ANO2: variants seen among roughly 807,000 people sequenced by gnomAD.
ANO2 encodes anoctamin 2, also known as anoctamin-2.
Under a neutral mutation model 124.2 loss-of-function variants are expected in ANO2, and 101 were observed. The observed-to-expected ratio is 0.81, with a 90% CI of 0.69 to 0.96. ANO2 has a LOEUF of 0.96. Ranked by LOEUF, ANO2 falls within the 40% of genes least tolerant of loss-of-function variation. The pLI is 0.00. For synonymous variants in ANO2, 486 were observed against 482.5 expected, an observed-to-expected ratio of 1.01 and a Z score of -0.09; for missense variants, 1,293 against 1,274.5, an observed-to-expected ratio of 1.01 and a Z score of -0.22.
intron 10 of ANO2, among the ~76,000 whole-genome samples, chr12:5,766,996 C>T (rs1348245656): frequency 6.6e-6 from 1 of 152,230 alleles, no homozygotes; most frequent in Non-Finnish European, 1.5e-5. Flanking sequence ...GCACAATTCT[C>T]AGGAGATCAG....
rs75029303 is a variant in ANO2 at position 5,866,766 on chromosome 12, G to T, written c.535-12625C>A. The stretch of plus-strand genomic sequence containing the variant: ...CTGTACTGCCCACTACAATGCTGCT[G>T]CCAGTGCATTTTGCAACAGTGACCT... On this transcript the variant is annotated intron_variant, in intron 3 of 24. Coordinates refer to ENST00000682330, the MANE Select transcript of ANO2 (RefSeq NM_001364791.2). Among the ~76,000 whole-genome samples, 618 of 152,358 alleles carry T rather than the reference G, an allele frequency of 4.1e-3. 3 individuals are homozygous for T. Among genetic ancestry groups the T allele is most frequent in the African/African-American group, 0.014 (592 of 41,574 alleles).
chr12:5,860,677 A>G (rs1591708593), intron 3 of ANO2, among the ~76,000 whole-genome samples: 1 of 152,224 alleles, frequency 6.6e-6, no homozygotes. Flanking sequence ...ATTGACAGCT[A>G]AAGTTACTAA....
At chr12:5,781,713 A>G (rs1208280405) in intron 10 of ANO2, among the ~76,000 whole-genome samples, 2 of 136,656 alleles carry the variant, frequency 1.5e-5, no homozygotes, top group African/African-American at 6.0e-5. Flanking sequence ...AACAGATGAA[A>G]GAGGTATACG....
At chr12:5,691,942 G>A (rs1256900433) in intron 14 of ANO2, among the ~76,000 whole-genome samples, 3 of 152,080 alleles carry the variant, frequency 2.0e-5, no homozygotes, top group African/African-American at 7.2e-5. Flanking sequence ...TGGTGAATAA[G>A]GTGAAGCATG....
chr12:5,758,169 C>T (rs754618132), intron 10 of ANO2, among the ~76,000 whole-genome samples: 8 of 152,100 alleles, frequency 5.3e-5, no homozygotes, highest in Non-Finnish European at 1.0e-4. Flanking sequence ...CACATACAGC[C>T]GATGGTACTT....
At chr12:5,674,262 A>G (rs1253791432) in intron 14 of ANO2, among the ~76,000 whole-genome samples, 1 of 152,178 alleles carries the variant, frequency 6.6e-6, no homozygotes, top group African/African-American at 2.4e-5. Context: ...GAGTAAAATA[A>G]AATTGTCATG....
intron 22 of ANO2, among the ~76,000 whole-genome samples, chr12:5,577,694 G>A (rs1942491224): frequency 6.6e-6 from 1 of 152,206 alleles, no homozygotes; most frequent in Non-Finnish European, 1.5e-5. Flanking sequence ...ATCTGATTTT[G>A]ACCGTCAGGG....
intron 23 of ANO2, among the ~76,000 whole-genome samples, chr12:5,566,349 T>C (rs1192310062): frequency 2.6e-5 from 4 of 152,206 alleles, no homozygotes; most frequent in African/African-American, 9.6e-5. Context: ...CGTGATTTCA[T>C]GCCTCTTTCT....
intron 3 of ANO2, among the ~76,000 whole-genome samples, chr12:5,906,814 TAAATAAAAATAAAATAAATAG>T (rs1191339866): frequency 1.3e-5 from 2 of 150,976 alleles, no homozygotes; most frequent in Non-Finnish European, 3.0e-5. Flanking sequence ...AATAAATAAA[TAAATAAAAATAAAATAAATAG>T]AAATAAAAAT....
chr12:5,651,472 G>A (rs907658985), intron 14 of ANO2, among the ~76,000 whole-genome samples: 1 of 151,764 alleles, frequency 6.6e-6, no homozygotes, highest in Non-Finnish European at 1.5e-5. Flanking sequence ...CCAGGCTGGA[G>A]TGCAATTGCA....
At position 5,567,052 on chromosome 12, in the gene ANO2, A is replaced by G. The variant is rs116679962; in HGVS notation, c.2622-1389T>C. On this transcript the variant is annotated intron_variant, in intron 23 of 24. Transcript: ENST00000682330. Reference sequence around the variant, plus strand: ...AAAAAGAGACGCACACACAAAGATAAAAAAGAGCGCAGTGATAGAATCAGC... The same window carrying G: ...AAAAAGAGACGCACACACAAAGATAGAAAAGAGCGCAGTGATAGAATCAGC... Among the ~76,000 whole-genome samples the G allele has an allele frequency of 3.0e-3, 462 of 152,328 alleles. 2 individuals are homozygous for G. The highest frequency in any genetic ancestry group is 0.011 in the African/African-American group (446 of 41,568).
intron 14 of ANO2, among the ~76,000 whole-genome samples, chr12:5,651,418 T>A (rs930328044): frequency 3.3e-4 from 41 of 124,784 alleles, no homozygotes; most frequent in African/African-American, 1.0e-3. Context: ...TTTCTTTTTT[T>A]TTTCTCTTTT....
chr12:5,667,049 T>C (rs1352724939), intron 14 of ANO2, among the ~76,000 whole-genome samples: 2 of 152,156 alleles, frequency 1.3e-5, no homozygotes, highest in East Asian at 1.9e-4. Flanking sequence ...CACATGCCGA[T>C]GCTGAGAAAG....
intron 3 of ANO2, among the ~76,000 whole-genome samples, chr12:5,878,530 C>T (rs991627032): frequency 6.6e-6 from 1 of 152,170 alleles, no homozygotes; most frequent in Non-Finnish European, 1.5e-5. Context: ...AGATGCATGC[C>T]CCTGACATTG....
At chr12:5,811,535 A>G (rs1366226404) in intron 7 of ANO2, among the ~76,000 whole-genome samples, 4 of 152,110 alleles carry the variant, frequency 2.6e-5, no homozygotes, top group Non-Finnish European at 5.9e-5. Context: ...AGACTCTGAC[A>G]CCAAAATGTC....
chr12:5,575,736 A>C, intron 23 of ANO2, 98 bp downstream of exon 23: 2 of 1,370,632 alleles, frequency 1.5e-6, no homozygotes, highest in Admixed American at 2.4e-5. Flanking sequence ...CCAAAACATC[A>C]TCATGTTGTG....
chr12:5,855,241 G>C (rs965210982), intron 3 of ANO2, among the ~76,000 whole-genome samples: 3 of 152,210 alleles, frequency 2.0e-5, no homozygotes, highest in Non-Finnish European at 4.4e-5. Flanking sequence ...GGCTCTGACT[G>C]TCTGCATTTT....
At chr12:5,842,463 GC>G (rs1954543052) in intron 4 of ANO2, among the ~76,000 whole-genome samples, 2 of 152,068 alleles carry the variant, frequency 1.3e-5, no homozygotes, top group African/African-American at 4.8e-5. Context: ...ATGATGCCCT[GC>G]CCTTTTCTCG....
intron 14 of ANO2, among the ~76,000 whole-genome samples, chr12:5,723,037 C>A (rs537995444): frequency 2.0e-5 from 3 of 152,338 alleles, no homozygotes; most frequent in South Asian, 4.1e-4. Context: ...AACTCCAACA[C>A]ACTGTGGGTA....
Sources: allele counts gnomAD v4.1 joint callset (sites outside exome capture counted in the v4.1 genomes callset), GRCh38; gene constraint gnomAD v4.1.1; transcripts MANE v1.5; gene names NCBI Gene and HGNC (gene_info 2026-07-23, HGNC 2026-07-21).